Variants in CARM1 observed in about 807,000 individuals in gnomAD.
The protein encoded by CARM1 is coactivator associated arginine methyltransferase 1.
In CARM1, 14 loss-of-function variants were observed where a neutral mutation model predicts 72.7. That is an observed-to-expected ratio of 0.19 (90% CI 0.13 to 0.30). The LOEUF (loss-of-function observed/expected upper bound fraction) is 0.30. CARM1 is among the 10% of genes least tolerant of loss of function. The pLI is 1.00. For missense variants in CARM1, 432 were observed against 833.7 expected, an observed-to-expected ratio of 0.52 and a Z score of 5.93; for synonymous variants, 333 against 345.5, an observed-to-expected ratio of 0.96 and a Z score of 0.40.
At chr19:10,898,065 G>A (rs1327223007) in intron 1 of CARM1, among the ~76,000 whole-genome samples, 2 of 150,352 alleles carry the variant, frequency 1.3e-5, no homozygotes, top group African/African-American at 4.9e-5. Flanking sequence ...CCAAGATTGC[G>A]CCACTGCACT....
chr19:10,913,361 C>G (rs1347876341), intron 5 of CARM1, among the ~76,000 whole-genome samples: 5 of 151,802 alleles, frequency 3.3e-5, no homozygotes, highest in Non-Finnish European at 5.9e-5. Context: ...GAGTTCGAGA[C>G]CAGCCTGACC....
At chr19:10,879,329 C>T (rs1268457272) in intron 1 of CARM1, among the ~76,000 whole-genome samples, 2 of 152,250 alleles carry the variant, frequency 1.3e-5, no homozygotes, top group Non-Finnish European at 2.9e-5. Context: ...TCACTGCCAG[C>T]TGCAAGGGAT....
At position 10,909,059 on chromosome 19, in the gene CARM1, C is replaced by T. The variant is rs748535203; in HGVS notation, c.454-44C>T. 11 of 1,477,886 alleles carry T rather than the reference C, an allele frequency of 7.4e-6. No homozygotes were observed. The Admixed American group carries it at 1.2e-4, about 16-fold the overall frequency. 91.5% of individuals were successfully genotyped at this position (1,477,886 alleles called of 1,614,324 possible). On this transcript the variant is annotated intron_variant, in intron 3 of 15. Transcript: ENST00000327064. ...GGGCTGGCCAGGGCCTTGGCTGCCT[C>T]GTGCCACCATGTGCCCCGTGCCATC...
chr19:10,886,680 A>T (rs939911354), intron 1 of CARM1, among the ~76,000 whole-genome samples: 2 of 152,004 alleles, frequency 1.3e-5, no homozygotes, highest in Non-Finnish European at 2.9e-5. Context: ...TACAAAAAAA[A>T]TTTAGCCGGG....
intron 1 of CARM1, among the ~76,000 whole-genome samples, chr19:10,897,109 G>A (rs1035000301): frequency 3.3e-5 from 5 of 152,202 alleles, no homozygotes; most frequent in Non-Finnish European, 7.4e-5. Context: ...AGTCAGCCAA[G>A]GCCTGCTCTA....
chr19:10,874,063 G>A (rs2073843890), intron 1 of CARM1, among the ~76,000 whole-genome samples: 1 of 152,158 alleles, frequency 6.6e-6, no homozygotes, highest in African/African-American at 2.4e-5. Context: ...ACTCTTGAAA[G>A]TATTACTTGT....
In CARM1 at chr19:10,920,981, G is replaced by T; in HGVS notation, c.1537+35G>T. ...GCCCACCCCAATGCCCAGCCAACCC[G>T]GGAGGCCGCCCTCGCCGCAGGCCTG... On this transcript the variant is annotated intron_variant, in intron 13 of 15. Coordinates refer to ENST00000327064, the MANE Select transcript of CARM1 (RefSeq NM_199141.2). The surrounding 1 kb of genome is among the most constrained non-coding windows in gnomAD (Gnocchi z 5.3). The T allele has an allele frequency of 2.5e-6, 4 of 1,612,984 alleles. No individual in the cohort carries two copies. The highest frequency in any genetic ancestry group is 1.7e-4 in the Middle Eastern group (1 of 6,060).
chr19:10,906,104 C>T (rs766711792), intron 2 of CARM1, among the ~76,000 whole-genome samples: 2 of 151,098 alleles, frequency 1.3e-5, no homozygotes, highest in Admixed American at 6.6e-5. Flanking sequence ...TGTGTGCCAC[C>T]GTGCCTGGCT....
At chr19:10,901,427 C>T (rs764788662) in intron 1 of CARM1, among the ~76,000 whole-genome samples, 4 of 152,168 alleles carry the variant, frequency 2.6e-5, no homozygotes, top group Non-Finnish European at 5.9e-5. Context: ...AGCAATCCTT[C>T]CACCTCAGCC....
chr19:10,884,658 G>A (rs1013848704), intron 1 of CARM1, among the ~76,000 whole-genome samples: 2 of 152,096 alleles, frequency 1.3e-5, no homozygotes, highest in Non-Finnish European at 2.9e-5. Flanking sequence ...GAGATTCTAG[G>A]CCCCTCCTGT....
At chr19:10,873,565 G>T (rs1006831618) in intron 1 of CARM1, among the ~76,000 whole-genome samples, 4 of 150,570 alleles carry the variant, frequency 2.7e-5, no homozygotes, top group Non-Finnish European at 5.9e-5. Context: ...CTCCAGCCGG[G>T]GAGACAGAGT....
chr19:10,886,275 C>T (rs1311413037), intron 1 of CARM1, among the ~76,000 whole-genome samples: 6 of 151,786 alleles, frequency 4.0e-5, no homozygotes, highest in Non-Finnish European at 5.9e-5. Context: ...AGGCTGGTTT[C>T]GAACTCCTGA....
At chr19:10,886,059 T>TC (rs1214450637) in intron 1 of CARM1, among the ~76,000 whole-genome samples, 1 of 147,434 alleles carries the variant, frequency 6.8e-6, no homozygotes, top group African/African-American at 2.5e-5. Flanking sequence ...TTTCTTTCTT[T>TC]TTTTTTTTTT....
intron 1 of CARM1, among the ~76,000 whole-genome samples, chr19:10,895,585 A>C (rs1380924949): frequency 2.0e-5 from 3 of 152,208 alleles, no homozygotes; most frequent in Admixed American, 6.5e-5. Context: ...TGGTGAAGCC[A>C]CTTCCCCAAT....
intron 4 of CARM1, among the ~76,000 whole-genome samples, chr19:10,911,739 G>T (rs2074152097): frequency 6.6e-6 from 1 of 152,226 alleles, no homozygotes; most frequent in South Asian, 2.1e-4. Context: ...GGGGAGCCCA[G>T]CCGGCCCCAG....
At chr19:10,875,059 G>C (rs1027067760) in intron 1 of CARM1, among the ~76,000 whole-genome samples, 1 of 152,042 alleles carries the variant, frequency 6.6e-6, no homozygotes, top group Non-Finnish European at 1.5e-5. Flanking sequence ...TGGAGTTGGA[G>C]GTGATCAGTG....
At chr19:10,878,465 A>G (rs1384587182) in intron 1 of CARM1, among the ~76,000 whole-genome samples, 1 of 152,154 alleles carries the variant, frequency 6.6e-6, no homozygotes, top group Non-Finnish European at 1.5e-5. Flanking sequence ...CGCTTACTGT[A>G]TGTTACCACT....
intron 4 of CARM1, among the ~76,000 whole-genome samples, chr19:10,911,423 T>TGGGGA (rs1477910822): frequency 6.6e-6 from 1 of 152,176 alleles, no homozygotes; most frequent in Non-Finnish European, 1.5e-5. Context: ...CACTGAGGTC[T>TGGGGA]GGGAAGGACG....
intron 1 of CARM1, among the ~76,000 whole-genome samples, chr19:10,900,885 G>T (rs1304113543): frequency 6.6e-6 from 1 of 151,442 alleles, no homozygotes; most frequent in East Asian, 1.9e-4. Context: ...GGGTTTCACC[G>T]TGTTAGCCAG....
Sources: gnomAD v4.1 joint callset for allele counts (sites outside exome capture counted in the v4.1 genomes callset) on GRCh38, gnomAD v4.1.1 for gene constraint, Gnocchi (gnomAD v3.1) non-coding constraint, MANE v1.5 for transcripts, NCBI Gene and HGNC (gene_info 2026-07-23, HGNC 2026-07-21) for gene names.